Variants in EPPK1 observed in about 807,000 individuals in gnomAD.
EPPK1 encodes the protein epiplakin.
For synonymous variants in EPPK1, 1,862 were observed against 1,721.2 expected (o/e 1.08, Z -2.03); for missense variants, 3,823 against 3,673.3 (o/e 1.04, Z -1.05).
rs782606118 is a variant in EPPK1, at chr8:143,858,085, G to A, written c.15169C>T (p.Pro5057Ser). Residue 5057 changes from proline to serine, a missense_variant, in exon 2 of 2, where the codon CCC becomes TCC. Coordinates refer to ENST00000615648, the MANE Select transcript of EPPK1 (RefSeq NM_031308.4). ...TACGTGAGGTTCTCGTGCGTGTTGGGGTCGAAGAAGCCCTTGGTGTCGTCG... is the reference window on the plus strand; with the variant it reads ...TACGTGAGGTTCTCGTGCGTGTTGGAGTCGAAGAAGCCCTTGGTGTCGTCG... The part of the protein sequence containing the change: ...PSDDTKGFFD[P>S]NTHENLTYLQ... 1.5e-5 allele frequency: 25 copies of A among 1,613,370 alleles called. No individual in the cohort carries two copies. Among genetic ancestry groups the A allele is most frequent in the Non-Finnish European group, 1.9e-5 (22 of 1,180,002 alleles).
chr8:143,870,542 G>A lies in EPPK1; in HGVS notation c.2712C>T (p.Asp904=). The A allele has an allele frequency of 1.9e-6, 3 of 1,611,638 alleles. No homozygotes were observed. The highest frequency in any genetic ancestry group is 1.1e-5 in the South Asian group (1 of 91,024). The change falls in exon 2 of 2, where the codon GAC becomes GAT. Residue 904 remains aspartate, a synonymous_variant. Coordinates refer to ENST00000615648, the MANE Select transcript of EPPK1 (RefSeq NM_031308.4). This position sits in a 1 kb window ranked among gnomAD's most constrained non-coding sequence, Gnocchi z 5.2. The part of the protein sequence containing the change: ...EAGIIDQQLL[D]QVLAGTISPE... Reference sequence around the variant, plus strand: ...GGCTGATTGTCCCGGCCAGCACTTGGTCCAACAGCTGCTGGTCAATGATAC... The same window carrying A: ...GGCTGATTGTCCCGGCCAGCACTTGATCCAACAGCTGCTGGTCAATGATAC...
chr8:143,867,115 G>A lies in EPPK1; in HGVS notation c.6139C>T (p.Gln2047Ter). ...HKDIYALISD[Q>*]KHMRKRFVDP... Reference sequence around the variant, plus strand: ...ACAAACCGTTTCCTCATGTGCTTCTGGTCGGAAATGAGCGCATAGATGTCC... The same window carrying A: ...ACAAACCGTTTCCTCATGTGCTTCTAGTCGGAAATGAGCGCATAGATGTCC... Residue 2047 changes from glutamine (Q) to a stop codon, truncating the protein, a stop_gained, in exon 2 of 2, where the codon CAG becomes TAG. Transcript: ENST00000615648. LOFTEE classifies it low-confidence loss of function (END_TRUNC). 2 of 1,612,940 alleles carry A rather than the reference G, an allele frequency of 1.2e-6. No individual in the cohort carries two copies. Among genetic ancestry groups the A allele is most frequent in the Non-Finnish European group, 1.7e-6 (2 of 1,179,826 alleles).
Position 143,870,615 on chromosome 8 carries a change from A to G in EPPK1, c.2639T>C (p.Leu880Pro), listed in dbSNP as rs782798313. The G allele has an allele frequency of 1.2e-6, 2 of 1,607,148 alleles. No individual in the cohort carries two copies. Among genetic ancestry groups the G allele is most frequent in the Non-Finnish European group, 1.7e-6 (2 of 1,177,764 alleles). Residue 880 changes from leucine (L) to proline (P), a missense_variant, in exon 2 of 2, where the codon CTG becomes CCG. By Grantham distance (98) the Leu-to-Pro change is moderately conservative. Coordinates refer to ENST00000615648, the MANE Select transcript of EPPK1 (RefSeq NM_031308.4). The surrounding 1 kb of genome is among the most constrained non-coding windows in gnomAD (Gnocchi z 5.2). The part of the protein sequence containing the change: ...AETQRQADIM[L>P]PALRSRVTVH... ...GGTGACCCGGCTCCGCAGTGCGGGC[A>G]GCATGATGTCCGCCTGTCTCTGCGT...
Position 143,870,828 on chromosome 8 carries a change from G to T in EPPK1, c.2426C>A (p.Ala809Asp). The T allele has an allele frequency of 6.2e-7, 1 of 1,612,860 alleles. No individual in the cohort carries two copies. The highest frequency in any genetic ancestry group is 1.7e-5 in the Admixed American group (1 of 60,016). The part of the protein sequence containing the change: ...SSTQSPLVDS[A>D]TQQAFQNLLL... ...CAGGTTCTGGAAGGCCTGCTGGGTGGCACTGTCCACCAGCGGGGACTGCGT... is the reference window on the plus strand; with the variant it reads ...CAGGTTCTGGAAGGCCTGCTGGGTGTCACTGTCCACCAGCGGGGACTGCGT... The change falls in exon 2 of 2, where the codon GCC (alanine) becomes GAC (aspartate). Residue 809 changes from alanine (A) to aspartate (D), a missense_variant. Physicochemically the swap from Ala to Asp is moderately radical, Grantham distance 126 (BLOSUM62 -2). Coordinates refer to ENST00000615648, the MANE Select transcript of EPPK1 (RefSeq NM_031308.4). This position sits in a 1 kb window ranked among gnomAD's most constrained non-coding sequence, Gnocchi z 5.2.
rs374348373 is a variant in EPPK1 at position 143,874,054 on chromosome 8, G to A, written c.-45-756C>T. On this transcript the variant is annotated intron_variant, in intron 1 of 1. Coordinates refer to ENST00000615648, the MANE Select transcript of EPPK1 (RefSeq NM_031308.4). ...CCCCTCTGAGCCCACACCCTGCCCC[G>A]GGGGCCGCAGGCTCAGCAGACGTGT... Among the ~76,000 whole-genome samples the A allele has an allele frequency of 5.9e-5, 9 of 152,336 alleles. No homozygotes were observed. The South Asian group carries it at 6.2e-4, about 11-fold the overall frequency.
chr8:143,873,563 G>A (rs577228431), intron 1 of EPPK1, among the ~76,000 whole-genome samples: 2 of 152,028 alleles, frequency 1.3e-5, no homozygotes, highest in Non-Finnish European at 2.9e-5. Context: ...TGTCCCTCCC[G>A]CAGGCTGTCC....
chr8:143,872,563 G>A lies in EPPK1; in HGVS notation c.691C>T (p.Leu231Phe), dbSNP rs782550672. The change falls in exon 2 of 2, where the codon CTC becomes TTC. Residue 231 changes from leucine (L) to phenylalanine (F), a missense_variant. Leu to Phe is a conservative substitution (Grantham distance 22). Transcript: ENST00000615648. ...APGSGLALLP[L>F]KITFRSMGGA... is the part of the protein sequence containing the mutation. ...CCCATGGAGCGGAAGGTGATCTTGA[G>A]GGGCAGCAAGGCTAGCCCCGAGCCG... is the stretch of plus-strand genomic sequence containing the variant. The A allele has an allele frequency of 8.1e-6, 13 of 1,606,604 alleles. No homozygotes were observed. The highest frequency in any genetic ancestry group is 1.1e-5 in the Non-Finnish European group (13 of 1,178,734).
chr8:143,867,290 C>T lies in EPPK1; in HGVS notation c.5964G>A (p.Pro1988=), dbSNP rs371636220. The part of the protein sequence containing the change: ...YRDPATGDTI[P]LFQAMQKQLI... ...GCTGCTTCTGCATGGCCTGGAACAG[C>T]GGGATCGTGTCTCCTGTGGCCGGAT... The change falls in exon 2 of 2, where the codon CCG becomes CCA. Residue 1988 remains proline, a synonymous_variant. Transcript: ENST00000615648. The T allele has an allele frequency of 2.6e-5, 42 of 1,612,052 alleles. No homozygotes were observed. The highest frequency in any genetic ancestry group is 3.3e-4 in the Middle Eastern group (2 of 6,082).
rs782750472 is a variant in EPPK1 at position 143,858,030 on chromosome 8, T to A, written c.15224A>T (p.Asp5075Val). The part of the protein sequence containing the change: ...YLQLLQRATL[D>V]PETGLLFLSL... ...AAGAAATAGGAGCCCCGTCTCAGGGTCCAGGGTGGCCCTCTGCAGAAGCTG... is the reference window on the plus strand; with the variant it reads ...AAGAAATAGGAGCCCCGTCTCAGGGACCAGGGTGGCCCTCTGCAGAAGCTG... The change falls in exon 2 of 2, where the codon GAC (aspartate) becomes GTC (valine). Residue 5075 changes from aspartate (D) to valine (V), a missense_variant. Transcript: ENST00000615648. 6.2e-7 allele frequency: 1 copy of A among 1,612,346 alleles called. No individual in the cohort carries two copies.
upstream of EPPK1, among the ~76,000 whole-genome samples, chr8:143,878,923 G>C (rs1334983763): frequency 1.3e-5 from 2 of 152,054 alleles, no homozygotes; most frequent in African/African-American, 4.8e-5. Context: ...GGCTCTCCTT[G>C]GCAGGCCCCC....
chr8:143,867,298 T>C lies in EPPK1; in HGVS notation c.5956A>G (p.Thr1986Ala), dbSNP rs1164277542. Residue 1986 changes from threonine (T) to alanine (A), a missense_variant, in exon 2 of 2, where the codon ACG becomes GCG. Thr to Ala is a moderately conservative substitution (Grantham distance 58). Coordinates refer to ENST00000615648, the MANE Select transcript of EPPK1 (RefSeq NM_031308.4). ...TGCATGGCCTGGAACAGCGGGATCGTGTCTCCTGTGGCCGGATCCCTGTAG... is the reference window on the plus strand; with the variant it reads ...TGCATGGCCTGGAACAGCGGGATCGCGTCTCCTGTGGCCGGATCCCTGTAG... Reference protein sequence around the residue: ...TGYRDPATGDTIPLFQAMQKQ... With the variant: ...TGYRDPATGDAIPLFQAMQKQ... The C allele has an allele frequency of 2.5e-6, 4 of 1,612,390 alleles. No individual in the cohort carries two copies. The highest frequency in any genetic ancestry group is 2.2e-5 in the East Asian group (1 of 44,890).
At position 143,871,992 on chromosome 8, in the gene EPPK1, C is replaced by T. The variant is rs1241692303; in HGVS notation, c.1262G>A (p.Cys421Tyr). 1 of 1,584,614 alleles carries T rather than the reference C, an allele frequency of 6.3e-7. No individual in the cohort carries two copies. Among genetic ancestry groups the T allele is most frequent in the Non-Finnish European group, 8.6e-7 (1 of 1,169,508 alleles). ...LRLPLEAALR[C>Y]GCLDEDTQRQ... ...CTGAGTGTCTTCATCCAGGCAGCCGCAGCGCAGGGCGGCCTCCAGGGGCAG... is the reference window on the plus strand; with the variant it reads ...CTGAGTGTCTTCATCCAGGCAGCCGTAGCGCAGGGCGGCCTCCAGGGGCAG... The change falls in exon 2 of 2, where the codon TGC (cysteine) becomes TAC (tyrosine). Residue 421 changes from cysteine to tyrosine, a missense_variant. Transcript: ENST00000615648.
In EPPK1 at chr8:143,873,223, C is replaced by A; in HGVS notation, c.31G>T (p.Val11Phe). Residue 11 changes from valine (V) to phenylalanine (F), a missense_variant, in exon 2 of 2, where the codon GTC (valine) becomes TTC (phenylalanine). By Grantham distance (50) the Val-to-Phe change is conservative. Coordinates refer to ENST00000615648, the MANE Select transcript of EPPK1 (RefSeq NM_031308.4). The stretch of plus-strand genomic sequence containing the variant: ...TGCTCTGTGCTGTTGGTGCCTGGGA[C>A]GGGAAGAGGAGGCAAGGTGTGGCCA... MSGHTLPPLP[V>F]PGTNSTEQAS... The A allele has an allele frequency of 6.3e-7, 1 of 1,576,130 alleles. No homozygotes were observed. Among genetic ancestry groups the A allele is most frequent in the Non-Finnish European group, 8.6e-7 (1 of 1,166,654 alleles).
Position 143,857,409 on chromosome 8 carries a change from G to C in EPPK1, c.*578C>G, listed in dbSNP as rs563651827. 8 of 152,522 alleles carry C rather than the reference G, an allele frequency of 5.2e-5. No homozygotes were observed. Among genetic ancestry groups the C allele is most frequent in the African/African-American group, 1.9e-4 (8 of 41,570 alleles). 9.4% of individuals were successfully genotyped at this position (152,522 alleles called of 1,614,324 possible). Reference sequence around the variant, plus strand: ...TCCACAACAGACTCGCTCAGTCAACGCTAGTGAGGTCACACCTCTAAGGTG... The same window carrying C: ...TCCACAACAGACTCGCTCAGTCAACCCTAGTGAGGTCACACCTCTAAGGTG... On this transcript the variant is annotated 3_prime_UTR_variant, in exon 2 of 2. Coordinates refer to ENST00000615648, the MANE Select transcript of EPPK1 (RefSeq NM_031308.4).
At position 143,867,966 on chromosome 8, in the gene EPPK1, CCTTT is replaced by C. The variant is rs782678697; in HGVS notation, c.5284_5287del (p.Lys1762GlufsTer92). 1.2e-3 allele frequency: 1,924 copies of C among 1,613,696 alleles called. 12 individuals carry two copies. Among genetic ancestry groups the C allele is most frequent in the Non-Finnish European group, 2.8e-4 (328 of 1,179,972 alleles). On this transcript the variant is annotated frameshift_variant, in exon 2 of 2. Coordinates refer to ENST00000615648, the MANE Select transcript of EPPK1 (RefSeq NM_031308.4). LOFTEE classifies it low-confidence loss of function (END_TRUNC). ...CTCATTGATGTACACGTAGTTTTCTCCTTTCTTTATGATTTGTAGCAGGTACAGG... is the reference window on the plus strand; with the variant it reads ...CTCATTGATGTACACGTAGTTTTCTCCTTTATGATTTGTAGCAGGTACAGG...
In EPPK1 at chr8:143,866,553, T is replaced by C; in HGVS notation, c.6701A>G (p.Lys2234Arg). ...CTTCTCCTGGCGGCCGGGCTGGTCCTTGGCGGGCACCAGGACGCCCGCGAT... is the reference window on the plus strand; with the variant it reads ...CTTCTCCTGGCGGCCGGGCTGGTCCCTGGCGGGCACCAGGACGCCCGCGAT... ...SCIAGVLVPA[K>R]DQPGRQEKMS... is the part of the protein sequence containing the mutation. The change falls in exon 2 of 2, where the codon AAG (lysine) becomes AGG (arginine). Residue 2234 changes from lysine (K) to arginine (R), a missense_variant. Physicochemically the swap from Lys to Arg is conservative, Grantham distance 26 (BLOSUM62 2). Transcript: ENST00000615648. The C allele has an allele frequency of 6.2e-7, 1 of 1,604,830 alleles. No homozygotes were observed. The highest frequency in any genetic ancestry group is 1.1e-5 in the South Asian group (1 of 90,218).
chr8:143,870,282 C>G lies in EPPK1; in HGVS notation c.2972G>C (p.Gly991Ala), dbSNP rs781914481. The G allele has an allele frequency of 1.3e-6, 2 of 1,588,378 alleles. No individual in the cohort carries two copies. The highest frequency in any genetic ancestry group is 1.7e-6 in the Non-Finnish European group (2 of 1,172,504). The change falls in exon 2 of 2, where the codon GGT (glycine) becomes GCT (alanine). Residue 991 changes from glycine (G) to alanine (A), a missense_variant. By Grantham distance (60) the Gly-to-Ala change is moderately conservative. Coordinates refer to ENST00000615648, the MANE Select transcript of EPPK1 (RefSeq NM_031308.4). This position sits in a 1 kb window ranked among gnomAD's most constrained non-coding sequence, Gnocchi z 5.2. ...GCCATACAGCTCCGGCCCCACCACACCCCTGCGCACGGCCTCATCCACCGA... is the reference window on the plus strand; with the variant it reads ...GCCATACAGCTCCGGCCCCACCACAGCCCTGCGCACGGCCTCATCCACCGA... ...SLSVDEAVRR[G>A]VVGPELYGRL...
At position 143,869,448 on chromosome 8, in the gene EPPK1, C is replaced by A. The variant is rs907949179; in HGVS notation, c.3806G>T (p.Gly1269Val). 2 of 1,575,138 alleles carry A rather than the reference C, an allele frequency of 1.3e-6. No homozygotes were observed. Among genetic ancestry groups the A allele is most frequent in the Admixed American group, 1.8e-5 (1 of 55,482 alleles). Residue 1269 changes from glycine to valine, a missense_variant, in exon 2 of 2, where the codon GGC becomes GTC. Transcript: ENST00000615648. ...KASIAQAVRD[G>V]LLPTGLGQRL... ...CTGGCCCAGGCCTGTGGGCAGGAGG[C>A]CATCCCTCACGGCCTGGGCGATGCT...
Position 143,858,230 on chromosome 8 carries a change from C to A in EPPK1, c.15024G>T (p.Glu5008Asp), listed in dbSNP as rs1471518700. The A allele has an allele frequency of 3.1e-6, 5 of 1,606,546 alleles. No homozygotes were observed. In the African/African-American group the frequency reaches 5.4e-5, roughly 17 times the overall value. ...TGACGCCGCCCGTGGCGATCTGGGCCTCCAGCAGGCGGATGCCGTGCTCCC... is the reference window on the plus strand; with the variant it reads ...TGACGCCGCCCGTGGCGATCTGGGCATCCAGCAGGCGGATGCCGTGCTCCC... ...IVREHGIRLL[E>D]AQIATGGVID... Residue 5008 changes from glutamate (E) to aspartate (D), a missense_variant, in exon 2 of 2, where the codon GAG (glutamate) becomes GAT (aspartate). Transcript: ENST00000615648.
Sources: allele counts gnomAD v4.1 joint callset (sites outside exome capture counted in the v4.1 genomes callset), GRCh38; gene constraint gnomAD v4.1.1; non-coding constraint Gnocchi (gnomAD v3.1); transcripts MANE v1.5; gene names NCBI Gene and HGNC (gene_info 2026-07-23, HGNC 2026-07-21).